The following COG5 variants were observed in gnomAD, a reference collection of about 807,000 sequenced individuals.
COG5 encodes the protein conserved oligomeric Golgi complex subunit 5.
Under a neutral mutation model 110.4 loss-of-function variants are expected in COG5, and 86 were observed. That is an observed-to-expected ratio of 0.78 (90% CI 0.65 to 0.93). The LOEUF (loss-of-function observed/expected upper bound fraction) is 0.93, where lower values mean the gene tolerates loss of function less well. Ranked by LOEUF, COG5 falls within the 40% of genes least tolerant of loss-of-function variation. COG5 has a pLI of 0.00. For synonymous variants in COG5, 360 were observed against 334.6 expected (o/e 1.08, Z -0.83); for missense variants, 1,077 against 987.0 (o/e 1.09, Z -1.22).
intron 7 of COG5, among the ~76,000 whole-genome samples, chr7:107,387,817 G>A (rs577699467): frequency 3.0e-4 from 46 of 152,206 alleles, no homozygotes; most frequent in African/African-American, 7.7e-4. Context: ...CATAAATATC[G>A]TGAGTGACTC....
rs1303389377 is a variant in COG5 at position 107,362,322 on chromosome 7, C to T, written c.934G>A (p.Ala312Thr). The stretch of plus-strand genomic sequence containing the variant: ...CAAATATTTACCTGTCCACAAACAG[C>T]ATAAATATGATCCATAAGTTTCTCC... ...NMEKLMDHIY[A>T]VCGQVQHLQK... The change falls in exon 9 of 22, where the codon GCT becomes ACT. Residue 312 changes from alanine to threonine, a missense_variant. Ala to Thr is a moderately conservative substitution (Grantham distance 58, BLOSUM62 0). Transcript: ENST00000297135. The T allele has an allele frequency of 1.2e-6, 2 of 1,605,576 alleles. No individual in the cohort carries two copies. The highest frequency in any genetic ancestry group is 4.5e-5 in the East Asian group (2 of 44,826).
At chr7:107,355,186 C>T (rs927838098) in intron 10 of COG5, among the ~76,000 whole-genome samples, 2 of 152,070 alleles carry the variant, frequency 1.3e-5, no homozygotes, top group African/African-American at 2.4e-5. Flanking sequence ...AAAAAATCTA[C>T]AGGAAAACAT....
rs914878260 is a variant in COG5 at position 107,366,627 on chromosome 7, G to C, written c.836-4207C>G. The stretch of plus-strand genomic sequence containing the variant: ...GTCAAGAAAAAGCAAGTCAGGTAGT[G>C]TGGGATAAAAATCTGATTAGTCTCA... On this transcript the variant is annotated intron_variant, in intron 8 of 21. Transcript: ENST00000297135. Among the ~76,000 whole-genome samples, 4 of 152,124 alleles carry C rather than the reference G, an allele frequency of 2.6e-5. No homozygotes were observed. In the East Asian group the frequency reaches 7.7e-4, roughly 29 times the overall value.
chr7:107,518,757 A>G (rs1057438585), intron 6 of COG5, among the ~76,000 whole-genome samples: 1 of 152,236 alleles, frequency 6.6e-6, no homozygotes, highest in African/African-American at 2.4e-5. Flanking sequence ...TCAACGGGAC[A>G]GAAAATTAAC....
rs116912507 is a variant in COG5 at position 107,279,321 on chromosome 7, G to A, written c.1575+1979C>T. Reference sequence around the variant, plus strand: ...TGTCATTTCTTAATCTTGTGGACTGGAAGCTTAAATTTTTCATCTTTGAAA... The same window carrying A: ...TGTCATTTCTTAATCTTGTGGACTGAAAGCTTAAATTTTTCATCTTTGAAA... On this transcript the variant is annotated intron_variant, in intron 14 of 21. Coordinates refer to ENST00000297135, the MANE Select transcript of COG5 (RefSeq NM_006348.5). Among the ~76,000 whole-genome samples, 35 of 152,196 alleles carry A rather than the reference G, an allele frequency of 2.3e-4. No individual in the cohort carries two copies. In the East Asian group the frequency reaches 6.0e-3, roughly 26 times the overall value.
At chr7:107,208,751 T>C in intron 21 of COG5, 1 of 985,450 alleles carries the variant, frequency 1.0e-6, no homozygotes. Flanking sequence ...CTAATCTTTA[T>C]CCACACATAC....
intron 6 of COG5, among the ~76,000 whole-genome samples, chr7:107,459,580 G>A (rs571746616): frequency 6.6e-6 from 1 of 152,136 alleles, no homozygotes; most frequent in Admixed American, 6.5e-5. Flanking sequence ...GAGGATCCTT[G>A]AGACCAGCAG....
intron 7 of COG5, among the ~76,000 whole-genome samples, chr7:107,406,431 T>A (rs891246661): frequency 6.6e-6 from 1 of 152,208 alleles, no homozygotes; most frequent in Non-Finnish European, 1.5e-5. Flanking sequence ...TCTAAACAGA[T>A]AACAAAACTA....
intron 10 of COG5, among the ~76,000 whole-genome samples, chr7:107,354,276 T>C (rs1812433305): frequency 6.6e-6 from 1 of 152,206 alleles, no homozygotes; most frequent in African/African-American, 2.4e-5. Flanking sequence ...AAGCATATCA[T>C]GTTATTAGAA....
At chr7:107,362,532 T>A in intron 8 of COG5, 112 bp from the exon 9 acceptor site, 1 of 708,460 alleles carries the variant, frequency 1.4e-6, no homozygotes, top group Non-Finnish European at 2.5e-6. Context: ...AGTTCCTTCT[T>A]TAGGAAATAA....
At chr7:107,528,684 C>T (rs944384545) in intron 5 of COG5, among the ~76,000 whole-genome samples, 1 of 152,116 alleles carries the variant, frequency 6.6e-6, no homozygotes, top group Non-Finnish European at 1.5e-5. Context: ...TGCATCACAA[C>T]CATTTTTGAA....
At chr7:107,383,840 C>T (rs1339884486) in intron 7 of COG5, among the ~76,000 whole-genome samples, 1 of 152,118 alleles carries the variant, frequency 6.6e-6, no homozygotes, top group Admixed American at 6.5e-5. Flanking sequence ...GGTAACTGTG[C>T]CTCTGTACTA....
rs112683057 is a variant in COG5, at chr7:107,253,614, T to C, written c.1749+3118A>G. On this transcript the variant is annotated intron_variant, in intron 16 of 21. Coordinates refer to ENST00000297135, the MANE Select transcript of COG5 (RefSeq NM_006348.5). The stretch of plus-strand genomic sequence containing the variant: ...TAATGAAATAACTCTAAATGTATAC[T>C]CAATATTAATTATGTCATTCATAAC... 6.6e-5 allele frequency among the ~76,000 whole-genome samples: 10 copies of C among 152,248 alleles called. 3 individuals are homozygous for C. The highest frequency in any genetic ancestry group is 2.4e-4 in the African/African-American group (10 of 41,570).
At chr7:107,545,119 G>C (rs985507321) in intron 5 of COG5, among the ~76,000 whole-genome samples, 1 of 152,150 alleles carries the variant, frequency 6.6e-6, no homozygotes, top group Non-Finnish European at 1.5e-5. Flanking sequence ...AAAGAGTAAA[G>C]AAAGCCTTTG....
chr7:107,397,504 T>A (rs772336250), intron 7 of COG5, among the ~76,000 whole-genome samples: 1 of 151,944 alleles, frequency 6.6e-6, no homozygotes, highest in Non-Finnish European at 1.5e-5. Flanking sequence ...TGAAAGACAA[T>A]ATATAAAAAA....
chr7:107,312,902 T>A (rs1417107723), intron 11 of COG5, among the ~76,000 whole-genome samples: 2 of 151,854 alleles, frequency 1.3e-5, no homozygotes, highest in Non-Finnish European at 2.9e-5. Flanking sequence ...GAGTGAAAAA[T>A]TAGAAACTGA....
At chr7:107,379,457 A>G (rs1301478486) in intron 7 of COG5, among the ~76,000 whole-genome samples, 1 of 152,200 alleles carries the variant, frequency 6.6e-6, no homozygotes, top group Non-Finnish European at 1.5e-5. Flanking sequence ...AAATGCCCCA[A>G]TTAAAAGACA....
At chr7:107,367,738 G>T (rs1813763522) in intron 8 of COG5, among the ~76,000 whole-genome samples, 1 of 152,008 alleles carries the variant, frequency 6.6e-6, no homozygotes, top group Non-Finnish European at 1.5e-5. Context: ...TAAGCTATGG[G>T]TACAAAAAGA....
In COG5 at chr7:107,395,637, C is replaced by A. The variant is rs1366883586; in HGVS notation, c.669+16865G>T. Among the ~76,000 whole-genome samples, 3 of 146,636 alleles carry A rather than the reference C, an allele frequency of 2.0e-5. No individual in the cohort carries two copies. The East Asian group carries it at 6.1e-4, about 30-fold the overall frequency. On this transcript the variant is annotated intron_variant, in intron 7 of 21. Coordinates refer to ENST00000297135, the MANE Select transcript of COG5 (RefSeq NM_006348.5). ...TGGCAAGACCTCGGCTTACTGCAACCTCCGCCTCCTAGGTTCAAGCAATTC... is the reference window on the plus strand; with the variant it reads ...TGGCAAGACCTCGGCTTACTGCAACATCCGCCTCCTAGGTTCAAGCAATTC...
Sources: gnomAD v4.1 joint callset for allele counts (sites outside exome capture counted in the v4.1 genomes callset) on GRCh38, gnomAD v4.1.1 for gene constraint, MANE v1.5 for transcripts, NCBI Gene and HGNC (gene_info 2026-07-23, HGNC 2026-07-21) for gene names.